Variants in MGAT4C observed in about 807,000 individuals in gnomAD.
MGAT4C encodes MGAT4 family member C, also known as alpha-1,3-mannosyl-glycoprotein 4-beta-N-acetylglucosaminyltransferase C.
MGAT4C carries 19 observed loss-of-function variants against 40.1 expected under a neutral mutation model. The ratio of observed to expected loss-of-function variants is 0.47; its 90% CI spans 0.33 to 0.70. MGAT4C has a LOEUF of 0.70. Ranked by LOEUF, MGAT4C falls within the 30% of genes least tolerant of loss-of-function variation. MGAT4C has a pLI of 0.02. For missense variants in MGAT4C, 491 were observed against 563.2 expected (o/e 0.87, Z 1.30); for synonymous variants, 181 against 187.1 (o/e 0.97, Z 0.27).
At chr12:86,455,921 T>A (rs1387028587) in intron 2 of MGAT4C, among the ~76,000 whole-genome samples, 1 of 152,008 alleles carries the variant, frequency 6.6e-6, no homozygotes, top group African/African-American at 2.4e-5. Context: ...GCTTCTAATG[T>A]TCAGAAAAAA....
intron 2 of MGAT4C, among the ~76,000 whole-genome samples, chr12:86,013,446 C>A (rs1888724023): frequency 6.6e-6 from 1 of 151,926 alleles, no homozygotes; most frequent in Non-Finnish European, 1.5e-5. Flanking sequence ...AGAAATAAAT[C>A]CTTTCACTCT....
intron 1 of MGAT4C, among the ~76,000 whole-genome samples, chr12:86,061,811 A>G (rs1894001903): frequency 6.6e-6 from 1 of 152,064 alleles, no homozygotes; most frequent in African/African-American, 2.4e-5. Flanking sequence ...CTGTGTTCAG[A>G]CTGCCTCTCT....
intron 1 of MGAT4C, among the ~76,000 whole-genome samples, chr12:86,816,436 G>A (rs970936351): frequency 2.0e-5 from 3 of 151,520 alleles, no homozygotes; most frequent in African/African-American, 4.8e-5. Context: ...TACATTGCTG[G>A]TATAGGTTTC....
intron 3 of MGAT4C, among the ~76,000 whole-genome samples, chr12:86,433,822 G>A (rs144739905): frequency 1.3e-5 from 2 of 152,050 alleles, no homozygotes; most frequent in African/African-American, 4.8e-5. Context: ...GACTCCTCCT[G>A]ACTCTGCTAT....
intron 2 of MGAT4C, among the ~76,000 whole-genome samples, chr12:86,649,523 T>C (rs970787597): frequency 6.6e-6 from 1 of 151,756 alleles, no homozygotes; most frequent in Non-Finnish European, 1.5e-5. Context: ...ATACGTTCTT[T>C]ATGCAGATAT....
intron 2 of MGAT4C, among the ~76,000 whole-genome samples, chr12:86,462,863 G>A (rs956717644): frequency 1.3e-5 from 2 of 152,070 alleles, no homozygotes; most frequent in East Asian, 3.9e-4. Flanking sequence ...CTGATTACAC[G>A]GTGTCCACCC....
chr12:86,665,705 A>G (rs1298607565), intron 2 of MGAT4C, among the ~76,000 whole-genome samples: 1 of 152,188 alleles, frequency 6.6e-6, no homozygotes, highest in Non-Finnish European at 1.5e-5. Flanking sequence ...AAAATATACA[A>G]TATTTTTAAA....
At chr12:86,263,149 T>C (rs1444090362) in intron 4 of MGAT4C, among the ~76,000 whole-genome samples, 1 of 152,082 alleles carries the variant, frequency 6.6e-6, no homozygotes, top group Admixed American at 6.5e-5. Context: ...GTGATATGGG[T>C]CTAGATTGGA....
At chr12:86,093,256 T>A (rs915292519) in intron 1 of MGAT4C, among the ~76,000 whole-genome samples, 2 of 152,208 alleles carry the variant, frequency 1.3e-5, no homozygotes, top group African/African-American at 4.8e-5. Flanking sequence ...TCCTTTCTAC[T>A]GACTCTTTCC....
intron 2 of MGAT4C, among the ~76,000 whole-genome samples, chr12:86,458,110 T>C (rs1957539830): frequency 6.6e-6 from 1 of 152,138 alleles, no homozygotes; most frequent in African/African-American, 2.4e-5. Context: ...GAATCAACTA[T>C]TACCTTTAAA....
intron 1 of MGAT4C, among the ~76,000 whole-genome samples, chr12:86,188,659 T>C (rs1344580093): frequency 1.3e-5 from 2 of 151,998 alleles, no homozygotes; most frequent in African/African-American, 2.4e-5. Flanking sequence ...GTTTGAACAA[T>C]TGATTTGTGC....
chr12:86,197,224 G>T (rs1949849996), intron 1 of MGAT4C, among the ~76,000 whole-genome samples: 1 of 152,014 alleles, frequency 6.6e-6, no homozygotes, highest in South Asian at 2.1e-4. Context: ...AAGCACCTTT[G>T]TTCATGTATC....
chr12:86,006,937 G>A (rs929640738), intron 2 of MGAT4C, among the ~76,000 whole-genome samples: 2 of 152,066 alleles, frequency 1.3e-5, no homozygotes, highest in Non-Finnish European at 2.9e-5. Flanking sequence ...CCTCCATGAA[G>A]TTCCTTGAAT....
chr12:86,002,485 A>G (rs1192670422), intron 2 of MGAT4C: 1 of 152,052 alleles, frequency 6.6e-6, no homozygotes, highest in Non-Finnish European at 1.5e-5. Context: ...AAAACTATAA[A>G]GTAGAGGAAA....
chr12:86,470,117 C>G (rs1224854348), intron 2 of MGAT4C, among the ~76,000 whole-genome samples: 1 of 151,926 alleles, frequency 6.6e-6, no homozygotes, highest in African/African-American at 2.4e-5. Context: ...TGCAAAATAT[C>G]TAAATTATCT....
chr12:86,408,372 C>G (rs1201225765), intron 3 of MGAT4C, among the ~76,000 whole-genome samples: 1 of 145,696 alleles, frequency 6.9e-6, no homozygotes, highest in Non-Finnish European at 1.5e-5. Context: ...TTTTGTGAAG[C>G]AAAAATTAAT....
At chr12:86,746,499 C>T (rs1951155685) in intron 1 of MGAT4C, among the ~76,000 whole-genome samples, 1 of 151,608 alleles carries the variant, frequency 6.6e-6, no homozygotes. Context: ...ACTTCTCTGT[C>T]ATTCTGACAT....
intron 3 of MGAT4C, among the ~76,000 whole-genome samples, chr12:86,417,550 TATTAGA>T (rs1367984740): frequency 6.6e-6 from 1 of 152,080 alleles, no homozygotes; most frequent in Non-Finnish European, 1.5e-5. Flanking sequence ...GAACAAAATA[TATTAGA>T]ATTAAACATT....
At chr12:86,471,639 C>T (rs1480939494) in intron 2 of MGAT4C, among the ~76,000 whole-genome samples, 2 of 151,864 alleles carry the variant, frequency 1.3e-5, no homozygotes, top group African/African-American at 4.8e-5. Context: ...AAATTAAGTC[C>T]GTGATGTGAG....
Sources: allele counts gnomAD v4.1 joint callset (sites outside exome capture counted in the v4.1 genomes callset), GRCh38; gene constraint gnomAD v4.1.1; transcripts MANE v1.5; gene names NCBI Gene and HGNC (gene_info 2026-07-23, HGNC 2026-07-21).